The following GCNT4 variants were observed in gnomAD, a reference collection of about 807,000 sequenced individuals.
GCNT4 encodes glucosaminyl (N-acetyl) transferase 4, also known as beta-1,3-galactosyl-O-glycosyl-glycoprotein beta-1,6-N-acetylglucosaminyltransferase 4.
A neutral mutation model predicts 31.3 loss-of-function variants in GCNT4; 17 were observed. That is an observed-to-expected ratio of 0.54 (90% CI 0.37 to 0.81). The LOEUF is 0.81. Ranked by LOEUF, GCNT4 falls within the 40% of genes least tolerant of loss-of-function variation. The probability of loss-of-function intolerance (pLI) is 0.00; values close to 1 mark genes in which losing one functional copy is unlikely to be tolerated. For synonymous variants in GCNT4, 158 were observed against 190.6 expected, an observed-to-expected ratio of 0.83 and a Z score of 1.41; for missense variants, 503 against 525.5, an observed-to-expected ratio of 0.96 and a Z score of 0.42.
rs1198639355 is a variant in GCNT4, at chr5:75,027,424, C to CAT, written c.*1250_*1251dup. On this transcript the variant is annotated 3_prime_UTR_variant, in exon 4 of 4. Transcript: ENST00000652361. ...TAATATATAACATAAATATATATTA[C>CAT]ATATATATAAAATATATATTATATA... 2.1e-5 allele frequency: 3 copies of CAT among 140,240 alleles called. No individual in the cohort carries two copies. The highest frequency in any genetic ancestry group is 4.6e-5 in the Non-Finnish European group (3 of 65,484). 8.7% of individuals were successfully genotyped at this position (140,240 alleles called of 1,614,324 possible). A position where few individuals can be genotyped will look rare whatever the true frequency, so the allele number is the denominator to read the frequency against.
intron 3 of GCNT4, among the ~76,000 whole-genome samples, chr5:75,036,841 G>A (rs1355879046): frequency 6.6e-6 from 1 of 152,200 alleles, no homozygotes; most frequent in African/African-American, 2.4e-5. Context: ...CCCGTATCCT[G>A]TCACCAATGA....
chr5:75,039,248 C>T (rs1334345009), intron 3 of GCNT4, among the ~76,000 whole-genome samples: 7 of 152,216 alleles, frequency 4.6e-5, no homozygotes, highest in African/African-American at 1.4e-4. Context: ...CACCACCACG[C>T]CTGGCTAATT....
chr5:75,053,738 C>T (rs1413156444), upstream of GCNT4, among the ~76,000 whole-genome samples: 1 of 152,084 alleles, frequency 6.6e-6, no homozygotes, highest in Non-Finnish European at 1.5e-5. Context: ...CTCCGCGCTC[C>T]CGCAGAGGGA....
At chr5:75,049,186 T>C (rs1743512087) in intron 2 of GCNT4, among the ~76,000 whole-genome samples, 2 of 152,360 alleles carry the variant, frequency 1.3e-5, no homozygotes, top group South Asian at 4.1e-4. Flanking sequence ...ATTCAATCTT[T>C]CCTTTCTGCC....
rs1332649753 is a variant in GCNT4 at position 75,026,799 on chromosome 5, T to A, written c.*1877A>T. The A allele has an allele frequency of 6.6e-6, 1 of 152,150 alleles. No individual in the cohort carries two copies. Among genetic ancestry groups the A allele is most frequent in the Non-Finnish European group, 1.5e-5 (1 of 68,036 alleles). 9.4% of individuals were successfully genotyped at this position (152,150 alleles called of 1,614,324 possible). On this transcript the variant is annotated 3_prime_UTR_variant, in exon 4 of 4. Transcript: ENST00000652361. ...CACGAGTGAACTGGTATGGATCTTT[T>A]GCAGAACTTGGCTCTATACAATGTT...
At position 75,028,805 on chromosome 5, in the gene GCNT4, TTTA is replaced by T; in HGVS notation, c.1230_1232del (p.Asn410del). On this transcript the variant is annotated inframe_deletion, in exon 4 of 4. Coordinates refer to ENST00000652361, the MANE Select transcript of GCNT4 (RefSeq NM_001366737.1). The stretch of plus-strand genomic sequence containing the variant: ...AGATAGGGTCCACCTTAGAATCAAA[TTTA>T]TTAGCAAACCAATGTCCATCTTTGA... The T allele has an allele frequency of 6.2e-7, 1 of 1,614,104 alleles. No individual in the cohort carries two copies. Among genetic ancestry groups the T allele is most frequent in the Non-Finnish European group, 8.5e-7 (1 of 1,180,006 alleles).
upstream of GCNT4, among the ~76,000 whole-genome samples, chr5:75,054,013 G>GC (rs1743653822): frequency 6.6e-6 from 1 of 152,048 alleles, no homozygotes; most frequent in African/African-American, 2.4e-5. Flanking sequence ...TGCAGGAATC[G>GC]CCCAACCAGA....
chr5:75,029,157 TG>T lies in GCNT4; in HGVS notation c.880del (p.His294IlefsTer14), dbSNP rs768450027. 1.9e-6 allele frequency: 3 copies of T among 1,613,786 alleles called. No individual in the cohort carries two copies. On this transcript the variant is annotated frameshift_variant, in exon 4 of 4. Coordinates refer to ENST00000652361, the MANE Select transcript of GCNT4 (RefSeq NM_001366737.1). LOFTEE classifies it high-confidence loss of function. ...ACTGCCAACAAATATCTGAATGTTA[TG>T]GGGGGGTGCTTCCTTGGAGATGTTT... The part of the protein sequence containing the change: ...RTNISKEAPP[H>X]NIQIFVGSAY...
intron 3 of GCNT4, among the ~76,000 whole-genome samples, chr5:75,032,386 C>G (rs1326638533): frequency 6.6e-6 from 1 of 152,190 alleles, no homozygotes; most frequent in Non-Finnish European, 1.5e-5. Flanking sequence ...TCAGCCTCCA[C>G]GAGTCCAAAA....
In GCNT4 at chr5:75,026,419, T is replaced by C. The variant is rs1015570221; in HGVS notation, c.*2257A>G. The C allele has an allele frequency of 6.6e-6, 1 of 152,018 alleles. No homozygotes were observed. The highest frequency in any genetic ancestry group is 1.5e-5 in the Non-Finnish European group (1 of 68,008). 9.4% of individuals were successfully genotyped at this position (152,018 alleles called of 1,614,324 possible). On this transcript the variant is annotated 3_prime_UTR_variant, in exon 4 of 4. Coordinates refer to ENST00000652361, the MANE Select transcript of GCNT4 (RefSeq NM_001366737.1). ...TATTGGCTTAGAAAGAAACCCCAAA[T>C]GGGGTTACAGGAGTTTCCTCAGATC...
rs1246432339 is a variant in GCNT4, at chr5:75,029,430, A to T, written c.608T>A (p.Leu203His). The change falls in exon 4 of 4, where the codon CTC becomes CAC. Residue 203 changes from leucine (L) to histidine (H), a missense_variant. Transcript: ENST00000652361. ...CGACAAGCAATTTAAATCAGCCTGG[A>T]GTCTGGAAATGTGGGCATATTCCAC... The part of the protein sequence containing the change: ...EAVEYAHISR[L>H]QADLNCLSDL... The T allele has an allele frequency of 6.2e-7, 1 of 1,614,020 alleles. No individual in the cohort carries two copies. Among genetic ancestry groups the T allele is most frequent in the Non-Finnish European group, 8.5e-7 (1 of 1,180,034 alleles).
chr5:75,051,172 T>C (rs943422265), intron 2 of GCNT4, among the ~76,000 whole-genome samples: 1 of 151,870 alleles, frequency 6.6e-6, no homozygotes, highest in Non-Finnish European at 1.5e-5. Flanking sequence ...ACCTCTCCCC[T>C]CCCCCATGGC....
intron 3 of GCNT4, among the ~76,000 whole-genome samples, chr5:75,037,194 A>G (rs1257513154): frequency 1.3e-5 from 2 of 152,178 alleles, no homozygotes; most frequent in African/African-American, 4.8e-5. Flanking sequence ...CTTGATTTCA[A>G]TGAAGTCACT....
rs926138091 is a variant in GCNT4 at position 75,027,012 on chromosome 5, T to A, written c.*1664A>T. 6.6e-6 allele frequency: 1 copy of A among 151,894 alleles called. No individual in the cohort carries two copies. Among genetic ancestry groups the A allele is most frequent in the Admixed American group, 6.6e-5 (1 of 15,234 alleles). The allele number at this position is 151,894 out of a possible 1,614,324, so 9.4% of individuals were successfully genotyped here. ...GCATTTCACATTTAGAACACAGACA[T>A]TTAAAAAATATGTAATACTTAAATC... On this transcript the variant is annotated 3_prime_UTR_variant, in exon 4 of 4. Transcript: ENST00000652361.
intron 3 of GCNT4, among the ~76,000 whole-genome samples, chr5:75,046,651 T>C (rs966097570): frequency 6.6e-6 from 1 of 152,030 alleles, no homozygotes; most frequent in Non-Finnish European, 1.5e-5. Context: ...TCCTTGCCAG[T>C]TTTCTCCTTA....
At chr5:75,038,987 A>G (rs1314178338) in intron 3 of GCNT4, among the ~76,000 whole-genome samples, 1 of 152,134 alleles carries the variant, frequency 6.6e-6, no homozygotes, top group African/African-American at 2.4e-5. Context: ...AAAAGCCTTC[A>G]TGTTGCCAGA....
chr5:75,041,568 T>C (rs1001972597), intron 3 of GCNT4, among the ~76,000 whole-genome samples: 1 of 152,166 alleles, frequency 6.6e-6, no homozygotes, highest in Non-Finnish European at 1.5e-5. Flanking sequence ...GCCTCTCACA[T>C]TTGGGCAGAA....
At chr5:75,044,073 C>A (rs955813964) in intron 3 of GCNT4, among the ~76,000 whole-genome samples, 3 of 152,178 alleles carry the variant, frequency 2.0e-5, no homozygotes, top group African/African-American at 7.2e-5. Context: ...TGGCAAACTT[C>A]CTCTGTGTAT....
rs898008960 is a variant in GCNT4, at chr5:75,025,931, A to G, written c.*2745T>C. The G allele has an allele frequency of 1.3e-5, 2 of 152,216 alleles. No individual in the cohort carries two copies. Among genetic ancestry groups the G allele is most frequent in the Admixed American group, 6.5e-5 (1 of 15,274 alleles). The allele number at this position is 152,216 out of a possible 1,614,324, so 9.4% of individuals were successfully genotyped here. On this transcript the variant is annotated 3_prime_UTR_variant, in exon 4 of 4. Coordinates refer to ENST00000652361, the MANE Select transcript of GCNT4 (RefSeq NM_001366737.1). ...TCAATAAATACAAAGAATAATTATA[A>G]AACACAGACTGCAGGACATTATCAA...
Sources: allele counts gnomAD v4.1 joint callset (sites outside exome capture counted in the v4.1 genomes callset), GRCh38; gene constraint gnomAD v4.1.1; transcripts MANE v1.5; gene names NCBI Gene and HGNC (gene_info 2026-07-23, HGNC 2026-07-21).